MYLK4: variants seen among roughly 807,000 people sequenced by gnomAD.
The protein encoded by MYLK4 is myosin light chain kinase family member 4.
In MYLK4, 46 loss-of-function variants were observed where a neutral mutation model predicts 48.1. That is an observed-to-expected ratio of 0.96 (90% CI 0.75 to 1.22). The LOEUF (loss-of-function observed/expected upper bound fraction) is 1.22, where lower values mean the gene tolerates loss of function less well. Among genes scored for constraint, MYLK4 ranks in the 50% most tolerant of loss-of-function variants. The pLI, the probability that MYLK4 is intolerant of heterozygous loss-of-function variation, is 0.00. For missense variants in MYLK4, 451 were observed against 486.1 expected (o/e 0.93, Z 0.68); for synonymous variants, 170 against 180.8 (o/e 0.94, Z 0.48).
chr6:2,689,709 A>G (rs987950077), intron 3 of MYLK4, among the ~76,000 whole-genome samples: 1 of 152,242 alleles, frequency 6.6e-6, no homozygotes, highest in Non-Finnish European at 1.5e-5. Flanking sequence ...GAACCTGCTC[A>G]TTCTTCGTTA....
intron 2 of MYLK4, among the ~76,000 whole-genome samples, chr6:2,694,813 T>A (rs1762002346): frequency 6.6e-6 from 1 of 152,110 alleles, no homozygotes; most frequent in Non-Finnish European, 1.5e-5. Context: ...TTTCCCAAGG[T>A]TATAAAGTTT....
chr6:2,683,391 T>TTGTGTGTGTGTGTGTGTGTG (rs67359849), intron 6 of MYLK4, among the ~76,000 whole-genome samples: 5 of 126,662 alleles, frequency 3.9e-5, no homozygotes, highest in South Asian at 2.9e-4. Context: ...CCCCACCTTT[T>TTGTGTGTGTGTGTGTGTGTG]TGTGTGTGTG....
At chr6:2,697,711 T>C (rs750416775) in intron 2 of MYLK4, among the ~76,000 whole-genome samples, 2 of 152,178 alleles carry the variant, frequency 1.3e-5, no homozygotes, top group African/African-American at 2.4e-5. Context: ...TGAAAGAACA[T>C]AAAGGCTGAG....
rs1561878030 is a variant in MYLK4 at position 2,737,983 on chromosome 6, GGGGGGGGGT to G, written c.159+11144_159+11152del. On this transcript the variant is annotated intron_variant, in intron 2 of 12. Coordinates refer to ENST00000274643, the MANE Select transcript of MYLK4 (RefSeq NM_001012418.5). The stretch of plus-strand genomic sequence containing the variant: ...GGGGGTGGGGTGCCGGGGGCGGGTG[GGGGGGGGGT>G]GGTCAATGTTATTAACCCCAGATGA... Among the ~76,000 whole-genome samples the G allele has an allele frequency of 2.6e-5, 3 of 115,396 alleles. 1 individual carries two copies. The highest frequency in any genetic ancestry group is 1.9e-4 in the Admixed American group (2 of 10,566). The allele number at this position is 115,396 out of a possible 152,430, so 75.7% of individuals were successfully genotyped here. A position where few individuals can be genotyped will look rare whatever the true frequency, so the allele number is the denominator to read the frequency against.
chr6:2,739,921 T>A (rs1763832472), intron 2 of MYLK4, among the ~76,000 whole-genome samples: 1 of 152,226 alleles, frequency 6.6e-6, no homozygotes, highest in African/African-American at 2.4e-5. Flanking sequence ...GACCTGCATA[T>A]ACTGTTGTGT....
the MYLK4 span, among the ~76,000 whole-genome samples, chr6:2,769,882 T>A: frequency 6.6e-6 from 1 of 152,220 alleles, no homozygotes; most frequent in Non-Finnish European, 1.5e-5. Flanking sequence ...AAGCTATTAG[T>A]CTACCAGCAA....
At chr6:2,746,865 G>A (rs1015514763) in intron 2 of MYLK4, among the ~76,000 whole-genome samples, 10 of 152,242 alleles carry the variant, frequency 6.6e-5, no homozygotes, top group African/African-American at 2.4e-4. Flanking sequence ...TGAGCTGCTG[G>A]AATGTCCTTC....
In MYLK4 at chr6:2,666,048, T is replaced by C. The variant is rs938445881; in HGVS notation, c.*1877A>G. On this transcript the variant is annotated 3_prime_UTR_variant, in exon 13 of 13. Transcript: ENST00000274643. ...AAGGAGAAAAAGAAACGCATCATAA[T>C]GTAAGAGCAAAGGCTGGAAAGGAGT... The C allele has an allele frequency of 6.6e-6, 1 of 152,130 alleles. No homozygotes were observed. Among genetic ancestry groups the C allele is most frequent in the African/African-American group, 2.4e-5 (1 of 41,434 alleles). 9.4% of individuals were successfully genotyped at this position (152,130 alleles called of 1,614,324 possible).
At chr6:2,682,936 C>T in intron 7 of MYLK4, 85 bp downstream of exon 7, 1 of 1,476,496 alleles carries the variant, frequency 6.8e-7, no homozygotes, top group Non-Finnish European at 9.4e-7. Flanking sequence ...TACCAATTTC[C>T]CCAGCTGGCA....
At chr6:2,766,198 C>T in the MYLK4 span, 2 of 1,407,224 alleles carry the variant, frequency 1.4e-6, no homozygotes, top group South Asian at 3.1e-5. Context: ...GGGACGCGGA[C>T]GCTGCCGAAG....
At chr6:2,766,225 G>C in the MYLK4 span, 4 of 1,471,450 alleles carry the variant, frequency 2.7e-6, no homozygotes, top group Non-Finnish European at 2.7e-6. Context: ...CCGCCTTCGG[G>C]GCCAGTGGCG....
intron 2 of MYLK4, among the ~76,000 whole-genome samples, chr6:2,695,613 CCAAAGGCTGTT>C (rs1735432495): frequency 1.3e-5 from 2 of 152,128 alleles, no homozygotes; most frequent in South Asian, 4.1e-4. Flanking sequence ...TTATTCATTG[CCAAAGGCTGTT>C]ATAGTTTCAT....
chr6:2,727,714 C>T (rs927783529), intron 2 of MYLK4, among the ~76,000 whole-genome samples: 4 of 151,850 alleles, frequency 2.6e-5, no homozygotes, highest in African/African-American at 9.7e-5. Flanking sequence ...TTTGGGAGGC[C>T]GAGGTGGGCG....
At chr6:2,766,528 C>T in the MYLK4 span, 2 of 1,417,024 alleles carry the variant, frequency 1.4e-6, no homozygotes, top group South Asian at 3.0e-5. Flanking sequence ...GTGTGCTGCC[C>T]TCGAAAGAAG....
At chr6:2,668,318 C>T (rs1760742473) in intron 12 of MYLK4, among the ~76,000 whole-genome samples, 1 of 152,140 alleles carries the variant, frequency 6.6e-6, no homozygotes, top group African/African-American at 2.4e-5. Flanking sequence ...GGGGAGGTTT[C>T]CATGTGCTTT....
chr6:2,686,529 C>T (rs1761557432), intron 4 of MYLK4, among the ~76,000 whole-genome samples: 1 of 152,206 alleles, frequency 6.6e-6, no homozygotes, highest in African/African-American at 2.4e-5. Flanking sequence ...GTAAAATAAG[C>T]TAGAACACGT....
chr6:2,748,920 G>A (rs1011754644), intron 2 of MYLK4, among the ~76,000 whole-genome samples: 2 of 152,204 alleles, frequency 1.3e-5, no homozygotes, highest in Non-Finnish European at 2.9e-5. Context: ...CTAACTAAAA[G>A]TGAAGTCGAC....
chr6:2,686,514 A>T (rs1208853562), intron 4 of MYLK4, among the ~76,000 whole-genome samples: 1 of 152,200 alleles, frequency 6.6e-6, no homozygotes, highest in Non-Finnish European at 1.5e-5. Flanking sequence ...TTGATTTCTT[A>T]TTTAGTAAAA....
intron 2 of MYLK4, among the ~76,000 whole-genome samples, chr6:2,745,736 G>T (rs1764062680): frequency 6.6e-6 from 1 of 151,916 alleles, no homozygotes; most frequent in South Asian, 2.1e-4. Context: ...ACCAGTCTGA[G>T]CAACACATGG....
Sources: allele counts gnomAD v4.1 joint callset (sites outside exome capture counted in the v4.1 genomes callset), GRCh38; gene constraint gnomAD v4.1.1; transcripts MANE v1.5; gene names NCBI Gene and HGNC (gene_info 2026-07-23, HGNC 2026-07-21).